ANKRD42: variants seen among roughly 807,000 people sequenced by gnomAD.
ANKRD42 encodes ankyrin repeat domain 42.
ANKRD42 carries 43 observed loss-of-function variants against 51.5 expected under a neutral mutation model. The ratio of observed to expected loss-of-function variants is 0.83; its 90% CI spans 0.65 to 1.08. The LOEUF is 1.08. Ranked by LOEUF, ANKRD42 falls within the 50% of genes least tolerant of loss-of-function variation. The probability of loss-of-function intolerance (pLI) is 0.00; values close to 1 mark genes in which losing one functional copy is unlikely to be tolerated. For missense variants in ANKRD42, 608 were observed against 629.3 expected, an observed-to-expected ratio of 0.97 and a Z score of 0.36; for synonymous variants, 203 against 213.0, an observed-to-expected ratio of 0.95 and a Z score of 0.41.
At chr11:83,255,810 A>G (rs1400235102) in intron 11 of ANKRD42, 2 of 1,486,926 alleles carry the variant, frequency 1.3e-6, no homozygotes, top group Admixed American at 4.9e-5. Context: ...GCTAGCATGA[A>G]AATTGTATTT....
chr11:83,249,360 A>G (rs748309052), downstream of ANKRD42, among the ~76,000 whole-genome samples: 2 of 152,058 alleles, frequency 1.3e-5, no homozygotes, highest in Non-Finnish European at 2.9e-5. Flanking sequence ...GCATGCACCA[A>G]CACACCTGGC....
intron 1 of ANKRD42, among the ~76,000 whole-genome samples, chr11:83,196,157 T>C (rs1380149270): frequency 6.6e-6 from 1 of 152,198 alleles, no homozygotes; most frequent in Non-Finnish European, 1.5e-5. Flanking sequence ...ACCTACTCTT[T>C]AGTCTTGCCT....
intron 7 of ANKRD42, among the ~76,000 whole-genome samples, chr11:83,228,231 CTTTTTTTTTTTTTTTTTTTTT>C (rs11403803): frequency 1.4e-4 from 8 of 59,012 alleles, no homozygotes; most frequent in South Asian, 5.6e-4. Flanking sequence ...CTCTCTCTCT[CTTTTTTTTTTTTTTTTTTTTT>C]TTTTTTTTTT....
chr11:83,255,618 C>T (rs1381692551), intron 11 of ANKRD42, among the ~76,000 whole-genome samples: 1 of 152,174 alleles, frequency 6.6e-6, no homozygotes, highest in African/African-American at 2.4e-5. Flanking sequence ...TTTCTATATT[C>T]TTTCTCTAGT....
In ANKRD42 at chr11:83,247,964, C is replaced by G; in HGVS notation, c.1344C>G (p.Gly448=). The change falls in exon 11 of 11, where the codon GGC becomes GGG. Residue 448 remains glycine (G), a synonymous_variant. Coordinates refer to ENST00000533342, the MANE Select transcript of ANKRD42 (RefSeq NM_001300975.2). ...ESEKTIKELQ[G]QLEYERLRRE... The stretch of plus-strand genomic sequence containing the variant: ...ATAGGACCATCAAAGAACTGCAGGG[C>G]CAGCTGGAGTATGAACGACTACGTA... 6.2e-7 allele frequency: 1 copy of G among 1,611,508 alleles called. No individual in the cohort carries two copies. The highest frequency in any genetic ancestry group is 2.2e-5 in the East Asian group (1 of 44,842).
intron 5 of ANKRD42, among the ~76,000 whole-genome samples, chr11:83,217,400 G>GA (rs1862575130): frequency 6.6e-6 from 1 of 152,214 alleles, no homozygotes; most frequent in African/African-American, 2.4e-5. Flanking sequence ...AAAGGCATGT[G>GA]AAAAGAGCAA....
At chr11:83,210,184 A>G (rs758688608) in intron 3 of ANKRD42, 116 bp from the exon 4 acceptor site, 9 of 975,456 alleles carry the variant, frequency 9.2e-6, no homozygotes, top group Non-Finnish European at 1.3e-5. Flanking sequence ...ATGTAAGAAC[A>G]TACATAAGAA....
chr11:83,201,231 T>A (rs546956892), intron 2 of ANKRD42, among the ~76,000 whole-genome samples: 12 of 151,828 alleles, frequency 7.9e-5, no homozygotes, highest in African/African-American at 1.9e-4. Context: ...CTTCCACTTA[T>A]GAGTGAGAAC....
At chr11:83,197,977 C>T (rs574414530) in intron 1 of ANKRD42, among the ~76,000 whole-genome samples, 6 of 152,266 alleles carry the variant, frequency 3.9e-5, no homozygotes, top group African/African-American at 1.4e-4. Flanking sequence ...ACATGAGTTC[C>T]TGGCTTTTCA....
chr11:83,242,567 G>GTTTTTTTTTGTTTGTTTTTTTTTT (rs1863419543), intron 9 of ANKRD42, among the ~76,000 whole-genome samples: 1 of 115,546 alleles, frequency 8.7e-6, no homozygotes, highest in South Asian at 3.1e-4. Flanking sequence ...TGGTAGTTAA[G>GTTTTTTTTTGTTTGTTTTTTTTTT]TTTTTTTTTT....
At chr11:83,199,813 G>A (rs1172722303) in intron 2 of ANKRD42, among the ~76,000 whole-genome samples, 1 of 152,058 alleles carries the variant, frequency 6.6e-6, no homozygotes, top group Admixed American at 6.6e-5. Flanking sequence ...GTACTTCTTT[G>A]CTTCTTGTAA....
intron 9 of ANKRD42, among the ~76,000 whole-genome samples, chr11:83,242,169 A>G (rs1266347103): frequency 6.6e-6 from 1 of 152,186 alleles, no homozygotes; most frequent in Non-Finnish European, 1.5e-5. Flanking sequence ...CCTTTAAGCA[A>G]TATTTATATA....
downstream of ANKRD42, among the ~76,000 whole-genome samples, chr11:83,256,943 T>C (rs1413646334): frequency 1.3e-5 from 2 of 152,180 alleles, no homozygotes; most frequent in Non-Finnish European, 2.9e-5. Context: ...ACCTACCTCA[T>C]ATGGCTGTCA....
At chr11:83,255,963 G>A in exon 12 of ANKRD42, 1 of 1,471,638 alleles carries the variant, frequency 6.8e-7, no homozygotes, top group South Asian at 1.3e-5. Flanking sequence ...TGACCTGCTA[G>A]ATTTTTCTCT....
At chr11:83,203,417 G>A (rs1228979253) in intron 2 of ANKRD42, among the ~76,000 whole-genome samples, 3 of 145,416 alleles carry the variant, frequency 2.1e-5, no homozygotes, top group African/African-American at 7.6e-5. Flanking sequence ...TTTTTGAGAG[G>A]GAGTCTTGCT....
downstream of ANKRD42, among the ~76,000 whole-genome samples, chr11:83,253,151 T>C (rs1863704123): frequency 6.6e-6 from 1 of 152,372 alleles, no homozygotes; most frequent in African/African-American, 2.4e-5. Flanking sequence ...CTCTGACCTA[T>C]GACATCCTAG....
chr11:83,219,502 T>C (rs891208809), intron 5 of ANKRD42, among the ~76,000 whole-genome samples: 2 of 152,196 alleles, frequency 1.3e-5, no homozygotes, highest in Non-Finnish European at 2.9e-5. Context: ...AAGGGGGTGG[T>C]GGATGTCCTC....
At chr11:83,225,177 A>C in intron 6 of ANKRD42, 122 bp downstream of exon 6, 1 of 750,876 alleles carries the variant, frequency 1.3e-6, no homozygotes, top group South Asian at 2.7e-5. Flanking sequence ...TTATATGTAA[A>C]AATATAAACA....
chr11:83,245,494 G>T lies in ANKRD42; in HGVS notation c.1196-4G>T. 6.5e-7 allele frequency: 1 copy of T among 1,535,996 alleles called. No individual in the cohort carries two copies. The highest frequency in any genetic ancestry group is 8.7e-7 in the Non-Finnish European group (1 of 1,146,848). ...CTAGGTTCCTACTCAACTCTGTCTT[G>T]CAGTGAGAGCTTACAAGAAAATTGT... On this transcript the variant is annotated splice_region_variant and splice_polypyrimidine_tract_variant and intron_variant, in intron 9 of 10. Coordinates refer to ENST00000533342, the MANE Select transcript of ANKRD42 (RefSeq NM_001300975.2).
Sources: gnomAD v4.1 joint callset for allele counts (sites outside exome capture counted in the v4.1 genomes callset) on GRCh38, gnomAD v4.1.1 for gene constraint, MANE v1.5 for transcripts, NCBI Gene and HGNC (gene_info 2026-07-23, HGNC 2026-07-21) for gene names.